The following CNTNAP2 variants were observed in gnomAD, a reference collection of about 807,000 sequenced individuals.
CNTNAP2 encodes contactin-associated protein-like 2.
Under a neutral mutation model 155.2 loss-of-function variants are expected in CNTNAP2, and 98 were observed. The ratio of observed to expected loss-of-function variants is 0.63; its 90% CI spans 0.54 to 0.75. CNTNAP2 has a LOEUF of 0.75. CNTNAP2 is among the 30% of genes least tolerant of loss of function. CNTNAP2 has a pLI of 0.00. For synonymous variants in CNTNAP2, 651 were observed against 631.2 expected (o/e 1.03, Z -0.47); for missense variants, 1,727 against 1,688.1 (o/e 1.02, Z -0.40).
chr7:147,834,385 C>T (rs947611206), intron 13 of CNTNAP2, among the ~76,000 whole-genome samples: 1 of 152,148 alleles, frequency 6.6e-6, no homozygotes, highest in Non-Finnish European at 1.5e-5. Flanking sequence ...CTCTTTTGTA[C>T]TTTTCTGTGA....
intron 4 of CNTNAP2, among the ~76,000 whole-genome samples, chr7:147,091,877 A>G (rs1163467468): frequency 6.6e-6 from 1 of 152,090 alleles, no homozygotes; most frequent in African/African-American, 2.4e-5. Context: ...AAGTGCTGGG[A>G]TTACAGGCGT....
At chr7:147,191,623 C>T (rs1275763515) in intron 8 of CNTNAP2, among the ~76,000 whole-genome samples, 1 of 152,082 alleles carries the variant, frequency 6.6e-6, no homozygotes, top group Non-Finnish European at 1.5e-5. Flanking sequence ...TTATGGAAGA[C>T]ATTTATATAT....
chr7:147,776,242 T>C (rs1198359515), intron 13 of CNTNAP2, among the ~76,000 whole-genome samples: 1 of 150,844 alleles, frequency 6.6e-6, no homozygotes, highest in Non-Finnish European at 1.5e-5. Flanking sequence ...AACGAATATG[T>C]TACAAGCAAG....
chr7:147,608,712 C>G (rs1303393095), intron 12 of CNTNAP2, among the ~76,000 whole-genome samples: 1 of 152,192 alleles, frequency 6.6e-6, no homozygotes, highest in Non-Finnish European at 1.5e-5. Context: ...TCAGCACTGT[C>G]ACGCGTGTCT....
chr7:147,723,162 A>G (rs1006033950), intron 13 of CNTNAP2, among the ~76,000 whole-genome samples: 1 of 149,678 alleles, frequency 6.7e-6, no homozygotes, highest in Admixed American at 6.7e-5. Context: ...TCTCTCCTCT[A>G]CTCCATGAAA....
chr7:146,198,849 G>C (rs1798815505), intron 1 of CNTNAP2, among the ~76,000 whole-genome samples: 1 of 151,948 alleles, frequency 6.6e-6, no homozygotes, highest in Non-Finnish European at 1.5e-5. Flanking sequence ...CATGTTTAGT[G>C]AGAATAATTT....
At chr7:147,929,711 G>A (rs900497669) in intron 14 of CNTNAP2, among the ~76,000 whole-genome samples, 5 of 152,056 alleles carry the variant, frequency 3.3e-5, no homozygotes, top group African/African-American at 4.8e-5. Flanking sequence ...TTTAATCTCA[G>A]TACCTACTTT....
chr7:147,120,899 C>A, intron 5 of CNTNAP2, 80 bp from the exon 6 acceptor site: 1 of 1,298,404 alleles, frequency 7.7e-7, no homozygotes, highest in Non-Finnish European at 1.1e-6. Flanking sequence ...CCTCTAGGTG[C>A]TGTAAATGAA....
intron 1 of CNTNAP2, among the ~76,000 whole-genome samples, chr7:146,177,911 C>A (rs1352802502): frequency 6.6e-6 from 1 of 152,176 alleles, no homozygotes; most frequent in Non-Finnish European, 1.5e-5. Flanking sequence ...ACTAAAAGAA[C>A]CATATTGTAG....
intron 1 of CNTNAP2, among the ~76,000 whole-genome samples, chr7:146,288,537 A>G (rs1396797736): frequency 6.6e-6 from 1 of 151,974 alleles, no homozygotes; most frequent in Non-Finnish European, 1.5e-5. Flanking sequence ...GAGAAAAAAA[A>G]GTGTTTTATT....
At chr7:147,686,922 A>G (rs1000590183) in intron 13 of CNTNAP2, among the ~76,000 whole-genome samples, 1 of 152,082 alleles carries the variant, frequency 6.6e-6, no homozygotes. Flanking sequence ...ACAATTAGCT[A>G]GAACTGTAAA....
chr7:146,509,645 C>A (rs1053779700), intron 1 of CNTNAP2, among the ~76,000 whole-genome samples: 1 of 152,038 alleles, frequency 6.6e-6, no homozygotes, highest in Non-Finnish European at 1.5e-5. Flanking sequence ...GGGTCTCTGA[C>A]TGGGGTGGCA....
Position 147,383,846 on chromosome 7 carries a change from C to T in CNTNAP2, c.1499-11763C>T, listed in dbSNP as rs150622640. Among the ~76,000 whole-genome samples the T allele has an allele frequency of 2.5e-3, 385 of 151,906 alleles. 7 individuals are homozygous for T. The highest frequency in any genetic ancestry group is 0.02 in the Middle Eastern group (6 of 294). Reference sequence around the variant, plus strand: ...ATGAATATACTAGAAAAAGAAAATACCATATTCAGAAGTGCATACACACAA... The same window carrying T: ...ATGAATATACTAGAAAAAGAAAATATCATATTCAGAAGTGCATACACACAA... On this transcript the variant is annotated intron_variant, in intron 9 of 23. Coordinates refer to ENST00000361727, the MANE Select transcript of CNTNAP2 (RefSeq NM_014141.6).
At chr7:147,441,842 T>TCTCTCC (rs1163623673) in intron 10 of CNTNAP2, among the ~76,000 whole-genome samples, 1 of 114,488 alleles carries the variant, frequency 8.7e-6, no homozygotes, top group Non-Finnish European at 2.0e-5. Flanking sequence ...TCTCTCTCTC[T>TCTCTCC]CTCTCTCTCC....
chr7:147,959,327 T>A (rs569200838), intron 14 of CNTNAP2, among the ~76,000 whole-genome samples: 13 of 152,088 alleles, frequency 8.5e-5, no homozygotes, highest in African/African-American at 3.1e-4. Flanking sequence ...TTAGGACAGA[T>A]GTGGGTTGTC....
At chr7:146,957,591 G>A (rs992546159) in intron 3 of CNTNAP2, among the ~76,000 whole-genome samples, 2 of 152,204 alleles carry the variant, frequency 1.3e-5, no homozygotes, top group Non-Finnish European at 2.9e-5. Context: ...AAAGTTCATT[G>A]CTTAGGTAGC....
chr7:146,198,861 A>G (rs1434524437), intron 1 of CNTNAP2, among the ~76,000 whole-genome samples: 1 of 152,082 alleles, frequency 6.6e-6, no homozygotes, highest in Non-Finnish European at 1.5e-5. Flanking sequence ...GAATAATTTC[A>G]TTGATTTCTT....
chr7:146,605,907 T>C (rs917683317), intron 1 of CNTNAP2, among the ~76,000 whole-genome samples: 1 of 152,164 alleles, frequency 6.6e-6, no homozygotes, highest in Non-Finnish European at 1.5e-5. Flanking sequence ...TTTAGTATAG[T>C]GCTCAACATT....
intron 3 of CNTNAP2, among the ~76,000 whole-genome samples, chr7:146,930,084 G>A (rs917878733): frequency 6.6e-6 from 1 of 152,012 alleles, no homozygotes; most frequent in African/African-American, 2.4e-5. Context: ...AGGAAATACA[G>A]AGAACGCCAC....
Sources: gnomAD v4.1 joint callset for allele counts (sites outside exome capture counted in the v4.1 genomes callset) on GRCh38, gnomAD v4.1.1 for gene constraint, MANE v1.5 for transcripts, NCBI Gene and HGNC (gene_info 2026-07-23, HGNC 2026-07-21) for gene names.